Variants in MSH3 observed in about 807,000 individuals in gnomAD.
MSH3 encodes DNA mismatch repair protein Msh3.
Under a neutral mutation model 123.3 loss-of-function variants are expected in MSH3, and 106 were observed. The observed-to-expected ratio is 0.86, with a 90% CI of 0.73 to 1.01. The LOEUF is 1.01. Ranked by LOEUF, MSH3 falls within the 50% of genes least tolerant of loss-of-function variation. The pLI is 0.00. For missense variants in MSH3, 1,459 were observed against 1,347.6 expected (o/e 1.08, Z -1.29); for synonymous variants, 515 against 481.4 (o/e 1.07, Z -0.91).
At chr5:80,706,957 T>C (rs543214568) in intron 8 of MSH3, among the ~76,000 whole-genome samples, 1 of 152,354 alleles carries the variant, frequency 6.6e-6, no homozygotes, top group South Asian at 2.1e-4. Flanking sequence ...TCAATATAAC[T>C]ACCACCCAAA....
At chr5:80,792,117 A>T (rs1221118312) in intron 18 of MSH3, among the ~76,000 whole-genome samples, 3 of 152,236 alleles carry the variant, frequency 2.0e-5, no homozygotes, top group Non-Finnish European at 2.9e-5. Flanking sequence ...ATTAATAATT[A>T]CATCTAGAAA....
chr5:80,864,514 G>A (rs2112117929), intron 21 of MSH3, among the ~76,000 whole-genome samples: 1 of 152,234 alleles, frequency 6.6e-6, no homozygotes, highest in African/African-American at 2.4e-5. Context: ...ATAGGAGGAT[G>A]TTTTGTTCTT....
chr5:80,808,476 T>G (rs1298843700), intron 19 of MSH3, among the ~76,000 whole-genome samples: 2 of 152,184 alleles, frequency 1.3e-5, no homozygotes, highest in Non-Finnish European at 2.9e-5. Flanking sequence ...AGAAGTTGTC[T>G]AAGGGTCATT....
chr5:80,738,379 A>C (rs1743551797), intron 10 of MSH3, among the ~76,000 whole-genome samples: 1 of 152,214 alleles, frequency 6.6e-6, no homozygotes, highest in African/African-American at 2.4e-5. Flanking sequence ...GTATTCCGAC[A>C]GTACCTTGTT....
At chr5:80,692,671 T>TGTTTATATAGATAAATATACATACAC (rs1750329861) in intron 8 of MSH3, among the ~76,000 whole-genome samples, 2 of 90,758 alleles carry the variant, frequency 2.2e-5, no homozygotes, top group Non-Finnish European at 2.7e-5. Context: ...TACACATGTA[T>TGTTTATATAGATAAATATACATACAC]ATGTTTATGT....
intron 2 of MSH3, among the ~76,000 whole-genome samples, chr5:80,663,514 C>G (rs1332848069): frequency 6.6e-6 from 1 of 150,656 alleles, no homozygotes; most frequent in Non-Finnish European, 1.5e-5. Flanking sequence ...CCAGCAAATA[C>G]AACTCCAAGA....
chr5:80,727,336 C>T (rs1179318295), intron 9 of MSH3, among the ~76,000 whole-genome samples: 1 of 152,190 alleles, frequency 6.6e-6, no homozygotes, highest in Non-Finnish European at 1.5e-5. Context: ...CATTTACACT[C>T]TGGTTTTATA....
At chr5:80,749,777 A>C (rs866637810) in intron 12 of MSH3, among the ~76,000 whole-genome samples, 1 of 152,100 alleles carries the variant, frequency 6.6e-6, no homozygotes, top group Non-Finnish European at 1.5e-5. Flanking sequence ...TGCATTAACT[A>C]TAGTCACCGT....
intron 19 of MSH3, among the ~76,000 whole-genome samples, chr5:80,805,269 A>C (rs1744866802): frequency 6.6e-6 from 1 of 152,168 alleles, no homozygotes; most frequent in Non-Finnish European, 1.5e-5. Flanking sequence ...AGAGCGTTAA[A>C]ACTGGTATGT....
intron 17 of MSH3, among the ~76,000 whole-genome samples, chr5:80,784,909 G>A (rs6151827): frequency 0.036 from 5,465 of 152,108 alleles, 318 homozygotes; most frequent in African/African-American, 0.12. Flanking sequence ...ATATTTTTCG[G>A]TTCACAAAAA....
chr5:80,666,535 G>C (rs1184721158), intron 3 of MSH3, among the ~76,000 whole-genome samples: 3 of 152,134 alleles, frequency 2.0e-5, no homozygotes, highest in Non-Finnish European at 2.9e-5. Flanking sequence ...TAAGTATAGT[G>C]GTTATTAAGC....
intron 7 of MSH3, among the ~76,000 whole-genome samples, 174 bp from the exon 8 acceptor site, chr5:80,678,753 C>G (rs1749897041): frequency 6.6e-6 from 1 of 152,134 alleles, no homozygotes; most frequent in African/African-American, 2.4e-5. Flanking sequence ...ATCTGTGAGT[C>G]TGACTCTTCG....
chr5:80,815,210 T>C (rs905958162), intron 20 of MSH3, among the ~76,000 whole-genome samples: 6 of 152,178 alleles, frequency 3.9e-5, no homozygotes, highest in Non-Finnish European at 8.8e-5. Context: ...AAATAGGTGT[T>C]ATTCTGATCC....
intron 19 of MSH3, among the ~76,000 whole-genome samples, chr5:80,801,410 T>G (rs1401443492): frequency 6.6e-6 from 1 of 152,222 alleles, no homozygotes; most frequent in Non-Finnish European, 1.5e-5. Context: ...GAGTGCCTGA[T>G]GTACAACTTA....
At chr5:80,703,786 T>C (rs1349520064) in intron 8 of MSH3, among the ~76,000 whole-genome samples, 6 of 152,140 alleles carry the variant, frequency 3.9e-5, no homozygotes, top group Admixed American at 3.9e-4. Flanking sequence ...GCTGATGTGC[T>C]CTAGAAACAT....
In MSH3 at chr5:80,767,337, T is replaced by C. The variant is rs376616697; in HGVS notation, c.1897-596T>C. 9.2e-5 allele frequency among the ~76,000 whole-genome samples: 14 copies of C among 152,332 alleles called. No individual in the cohort carries two copies. In the East Asian group the frequency reaches 1.7e-3, roughly 19 times the overall value. ...AAAGGTTAGTCCTCTGCTAAGAGTA[T>C]ATAAAAGTGTCTTTTTTTTCTTTTA... On this transcript the variant is annotated intron_variant, in intron 13 of 23. Coordinates refer to ENST00000265081, the MANE Select transcript of MSH3 (RefSeq NM_002439.5).
intron 9 of MSH3, among the ~76,000 whole-genome samples, chr5:80,728,427 CTTTA>C (rs1157829796): frequency 3.9e-5 from 6 of 152,108 alleles, no homozygotes; most frequent in African/African-American, 1.4e-4. Flanking sequence ...ATTTACCCAA[CTTTA>C]TTTAAGTACT....
At chr5:80,810,482 C>T (rs926653237) in intron 19 of MSH3, among the ~76,000 whole-genome samples, 3 of 152,044 alleles carry the variant, frequency 2.0e-5, no homozygotes, top group Non-Finnish European at 2.9e-5. Flanking sequence ...GACCAATATA[C>T]ACAATCTTTA....
chr5:80,663,864 C>T (rs1650674), intron 2 of MSH3, among the ~76,000 whole-genome samples: 41,041 of 151,876 alleles, frequency 0.27, 5,754 homozygotes, highest in Middle Eastern at 0.35. Context: ...TAGCAAGCAG[C>T]TTGGGAGCAA....
Sources: allele counts gnomAD v4.1 joint callset (sites outside exome capture counted in the v4.1 genomes callset), GRCh38; gene constraint gnomAD v4.1.1; transcripts MANE v1.5; gene names NCBI Gene and HGNC (gene_info 2026-07-23, HGNC 2026-07-21).